CCDC7: variants seen among roughly 807,000 people sequenced by gnomAD.
CCDC7 encodes the protein coiled-coil domain-containing protein 7.
CCDC7 carries 183 observed loss-of-function variants against 196.9 expected under a neutral mutation model. That is an observed-to-expected ratio of 0.93 (90% confidence interval 0.82 to 1.05). The LOEUF is 1.05. CCDC7 is among the 50% of genes least tolerant of loss of function. The pLI is 0.00. For missense variants in CCDC7, 1,540 were observed against 1,482.2 expected (o/e 1.04, Z -0.64); for synonymous variants, 525 against 484.6 (o/e 1.08, Z -1.10).
In CCDC7 at chr10:32,805,079, ACAGT is replaced by A. The variant is rs2085551436; in HGVS notation, c.3081_3084del (p.Ser1028ArgfsTer8). ...GCTTATTAAATGATGAATTCAAGAC[ACAGT>A]CAAAGAGTTTCCCTGGTAAGAAAAT... On this transcript the variant is annotated frameshift_variant, in exon 30 of 42. Transcript: ENST00000639629. LOFTEE classifies it high-confidence loss of function. 6.2e-7 allele frequency: 1 copy of A among 1,610,440 alleles called. No individual in the cohort carries two copies. Among genetic ancestry groups the A allele is most frequent in the African/African-American group, 1.3e-5 (1 of 74,878 alleles).
chr10:32,686,063 C>G (rs1391114318), exon 22 of CCDC7: 7 of 1,485,674 alleles, frequency 4.7e-6, no homozygotes, highest in Non-Finnish European at 5.5e-6. Context: ...GAAACTTCTA[C>G]AGAGCAACCA....
In CCDC7 at chr10:32,783,014, A is replaced by G. The variant is rs796095453; in HGVS notation, c.3013+3930A>G. ...TTACCTTACATTATATACAAAAATTAAAATGGACCAAATACCTACATATAA... is the reference window on the plus strand; with the variant it reads ...TTACCTTACATTATATACAAAAATTGAAATGGACCAAATACCTACATATAA... On this transcript the variant is annotated intron_variant, in intron 29 of 41. Coordinates refer to ENST00000639629, the Ensembl canonical transcript of CCDC7. Among the ~76,000 whole-genome samples, 5 of 152,226 alleles carry G rather than the reference A, an allele frequency of 3.3e-5. No individual in the cohort carries two copies. In the South Asian group the frequency reaches 1.0e-3, roughly 32 times the overall value.
intron 41 of CCDC7, among the ~76,000 whole-genome samples, chr10:32,869,345 C>G (rs1273628203): frequency 3.3e-5 from 5 of 152,008 alleles, no homozygotes; most frequent in African/African-American, 1.2e-4. Flanking sequence ...TTTCATGTGT[C>G]TGTTGGCTGC....
chr10:32,491,656 C>T (rs1285846153), intron 8 of CCDC7, among the ~76,000 whole-genome samples: 1 of 152,060 alleles, frequency 6.6e-6, no homozygotes, highest in African/African-American at 2.4e-5. Flanking sequence ...TGAGCCTGAA[C>T]TTCTTTATTT....
chr10:32,843,479 G>A (rs574627971), intron 33 of CCDC7, among the ~76,000 whole-genome samples: 31 of 151,778 alleles, frequency 2.0e-4, no homozygotes, highest in Admixed American at 5.3e-4. Flanking sequence ...ACATTGAATC[G>A]AACACTTTAC....
chr10:32,759,690 A>G (rs532848433), intron 28 of CCDC7, among the ~76,000 whole-genome samples: 1 of 152,350 alleles, frequency 6.6e-6, no homozygotes, highest in East Asian at 1.9e-4. Context: ...ATGGGCAAGG[A>G]CTTCATGTCT....
chr10:32,879,285 C>T (rs1214047220), downstream of CCDC7, among the ~76,000 whole-genome samples: 7 of 152,182 alleles, frequency 4.6e-5, no homozygotes, highest in Admixed American at 3.3e-4. Context: ...TTTCCTCATA[C>T]GTTAAAGAGG....
upstream of CCDC7, among the ~76,000 whole-genome samples, chr10:32,444,907 G>A (rs934262863): frequency 3.3e-5 from 5 of 150,016 alleles, no homozygotes; most frequent in Admixed American, 6.6e-5. Flanking sequence ...AGGCTGGAGC[G>A]CAATGGCACA....
At chr10:32,613,283 T>C (rs1198405178) in intron 18 of CCDC7, among the ~76,000 whole-genome samples, 1 of 152,138 alleles carries the variant, frequency 6.6e-6, no homozygotes, top group Non-Finnish European at 1.5e-5. Context: ...TTTATCGATT[T>C]TATTGTGTCT....
chr10:32,646,561 TAA>T (rs925453855), intron 20 of CCDC7, among the ~76,000 whole-genome samples: 7 of 152,204 alleles, frequency 4.6e-5, no homozygotes, highest in Non-Finnish European at 8.8e-5. Context: ...CAGTTTAAAT[TAA>T]GTGTATATTT....
At chr10:32,814,935 G>A (rs146851662) in intron 31 of CCDC7, among the ~76,000 whole-genome samples, 5 of 152,162 alleles carry the variant, frequency 3.3e-5, no homozygotes, top group Non-Finnish European at 5.9e-5. Flanking sequence ...ACTGTCATCC[G>A]AGGGAAACTG....
intron 18 of CCDC7, among the ~76,000 whole-genome samples, chr10:32,592,428 T>C (rs973535353): frequency 6.6e-6 from 1 of 151,934 alleles, no homozygotes; most frequent in Non-Finnish European, 1.5e-5. Context: ...AGTTAGGTTG[T>C]TTATTTGAGA....
At chr10:32,848,985 T>C (rs573623881) in intron 39 of CCDC7, among the ~76,000 whole-genome samples, 36 of 152,234 alleles carry the variant, frequency 2.4e-4, no homozygotes, top group African/African-American at 8.2e-4. Context: ...TATACATGGA[T>C]TTTTATCATT....
intron 13 of CCDC7, among the ~76,000 whole-genome samples, chr10:32,555,154 C>T (rs1218278239): frequency 6.6e-6 from 1 of 152,148 alleles, no homozygotes; most frequent in Non-Finnish European, 1.5e-5. Context: ...GTGCAATAAA[C>T]ATGGGAGTGC....
intron 4 of CCDC7, 114 bp downstream of exon 5, chr10:32,462,817 T>C (rs1009610161): frequency 1.6e-6 from 2 of 1,263,444 alleles, no homozygotes; most frequent in Non-Finnish European, 2.2e-6. Context: ...TACTTGCTGC[T>C]CTATATATTT....
At chr10:32,445,967 A>C (rs1220470215), upstream of CCDC7, among the ~76,000 whole-genome samples, 1 of 152,218 alleles carries the variant, frequency 6.6e-6, no homozygotes, top group African/African-American at 2.4e-5. Flanking sequence ...TTGGGAGAGA[A>C]TAAGAAAGGA....
At chr10:32,716,886 AG>A (rs2081672384) in intron 25 of CCDC7, among the ~76,000 whole-genome samples, 2 of 152,216 alleles carry the variant, frequency 1.3e-5, no homozygotes, top group Admixed American at 6.5e-5. Context: ...AGGAGCACCC[AG>A]ATTCATAAAG....
At chr10:32,664,878 A>T (rs2072304999) in intron 21 of CCDC7, among the ~76,000 whole-genome samples, 1 of 151,996 alleles carries the variant, frequency 6.6e-6, no homozygotes, top group Non-Finnish European at 1.5e-5. Flanking sequence ...TAATTTTTTG[A>T]GGAATCCCTG....
intron 24 of CCDC7, among the ~76,000 whole-genome samples, chr10:32,705,034 C>T (rs577404469): frequency 9.7e-4 from 148 of 152,204 alleles, no homozygotes; most frequent in African/African-American, 3.2e-3. Context: ...ACCCACTGTC[C>T]GACAATGCCC....
Sources: gnomAD v4.1 joint callset for allele counts (sites outside exome capture counted in the v4.1 genomes callset) on GRCh38, gnomAD v4.1.1 for gene constraint, MANE v1.5 for transcripts, NCBI Gene and HGNC (gene_info 2026-07-23, HGNC 2026-07-21) for gene names.